Variants in SPEN observed in about 807,000 individuals in gnomAD.
The protein encoded by SPEN is msx2-interacting protein.
In SPEN, 18 loss-of-function variants were observed where a neutral mutation model predicts 269.9. The ratio of observed to expected loss-of-function variants is 0.07; its 90% CI spans 0.05 to 0.10. SPEN has a LOEUF of 0.10. Among genes scored for constraint, SPEN ranks in the 10% least tolerant of loss-of-function variants. SPEN has a pLI of 1.00. For synonymous variants in SPEN, 1,726 were observed against 1,765.7 expected, an observed-to-expected ratio of 0.98 and a Z score of 0.56; for missense variants, 3,822 against 4,631.2, an observed-to-expected ratio of 0.83 and a Z score of 5.07.
Position 15,848,303 on chromosome 1 carries a change from C to T in SPEN, c.83+153C>T, listed in dbSNP as rs1053708582. Among the ~76,000 whole-genome samples, 20 of 151,370 alleles carry T rather than the reference C, an allele frequency of 1.3e-4. No individual in the cohort carries two copies. Among genetic ancestry groups the T allele is most frequent in the African/African-American group, 4.6e-4 (19 of 41,362 alleles). On this transcript the variant is annotated intron_variant, in intron 1 of 14. Coordinates refer to ENST00000375759, the MANE Select transcript of SPEN (RefSeq NM_015001.3). The surrounding 1 kb of genome is among the most constrained non-coding windows in gnomAD (Gnocchi z 5.1). ...GGGACCTCGTCAGCCGCTCGGCCCG[C>T]GTCGCGGCGTTGGGCCTCGGGTGTC...
At chr1:15,887,860 A>G (rs906078972) in intron 3 of SPEN, among the ~76,000 whole-genome samples, 1 of 150,774 alleles carries the variant, frequency 6.6e-6, no homozygotes, top group Non-Finnish European at 1.5e-5. Flanking sequence ...GTCTCTACGA[A>G]AAAAATACAA....
intron 3 of SPEN, among the ~76,000 whole-genome samples, chr1:15,896,159 T>G (rs951255152): frequency 6.6e-6 from 1 of 151,250 alleles, no homozygotes; most frequent in Non-Finnish European, 1.5e-5. Context: ...ATAAAACTGA[T>G]TAATTATTGT....
Position 15,930,818 on chromosome 1 carries a change from T to A in SPEN, c.4578T>A (p.Phe1526Leu), listed in dbSNP as rs140224570. 6.2e-7 allele frequency: 1 copy of A among 1,614,192 alleles called. No individual in the cohort carries two copies. Among genetic ancestry groups the A allele is most frequent in the Admixed American group, 1.7e-5 (1 of 60,036 alleles). ...KEEEQERQEL[F>L]ASRFLHSSIF... ...AAGAGCAAGAGAGGCAGGAATTGTT[T>A]GCTTCTCGTTTTTTACACAGCTCAA... The change falls in exon 11 of 15, where the codon TTT (phenylalanine) becomes TTA (leucine). Residue 1526 changes from phenylalanine (F) to leucine (L), a missense_variant. By Grantham distance (22) the Phe-to-Leu change is conservative (BLOSUM62 0). This residue lies in a region of SPEN where 533 missense variants were observed against 618.8 expected (regional missense o/e 0.86). Transcript: ENST00000375759. This position sits in a 1 kb window ranked among gnomAD's most constrained non-coding sequence, Gnocchi z 5.3.
In SPEN at chr1:15,935,313, TCTC is replaced by T. The variant is rs1557762642; in HGVS notation, c.9077_9079del (p.Pro3026del). The T allele has an allele frequency of 1.2e-6, 2 of 1,613,858 alleles. No homozygotes were observed. The highest frequency in any genetic ancestry group is 1.3e-5 in the African/African-American group (1 of 74,842). On this transcript the variant is annotated inframe_deletion, in exon 11 of 15. Transcript: ENST00000375759. This position sits in a 1 kb window ranked among gnomAD's most constrained non-coding sequence, Gnocchi z 7.7. ...GGCAGCTGCAAAGCTAGATGCTCAT[TCTC>T]CTCGACCAAGTGGACCCGGGCCATC...
At chr1:15,918,699 CAG>C in intron 6 of SPEN, among the ~76,000 whole-genome samples, 1 of 152,274 alleles carries the variant, frequency 6.6e-6, no homozygotes, top group Admixed American at 6.5e-5. Flanking sequence ...TGCTCCTCTG[CAG>C]AGAGCTTCAC....
At position 15,934,393 on chromosome 1, in the gene SPEN, T is replaced by C. The variant is rs1181669962; in HGVS notation, c.8153T>C (p.Val2718Ala). The change falls in exon 11 of 15, where the codon GTG (valine) becomes GCG (alanine). Residue 2718 changes from valine (V) to alanine (A), a missense_variant. Physicochemically the swap from Val to Ala is moderately conservative, Grantham distance 64. Transcript: ENST00000375759. The surrounding 1 kb of genome is among the most constrained non-coding windows in gnomAD (Gnocchi z 9.2). ...TTPVNATVGT[V>A]NAAPGTVNAA... is the part of the protein sequence containing the mutation. ...CCAGTGAACGCCACGGTGGGCACAGTGAATGCCGCCCCAGGCACAGTCAAT... is the reference window on the plus strand; with the variant it reads ...CCAGTGAACGCCACGGTGGGCACAGCGAATGCCGCCCCAGGCACAGTCAAT... The C allele has an allele frequency of 1.9e-6, 3 of 1,613,538 alleles. No homozygotes were observed. In the African/African-American group the frequency reaches 4.0e-5, roughly 22 times the overall value.
chr1:15,902,404 C>A (rs1267847858), intron 3 of SPEN, among the ~76,000 whole-genome samples: 1 of 152,066 alleles, frequency 6.6e-6, no homozygotes, highest in Non-Finnish European at 1.5e-5. Context: ...GATTTTGGGT[C>A]CTCACAGGTC....
chr1:15,903,685 G>T (rs920608490), intron 3 of SPEN, among the ~76,000 whole-genome samples: 5 of 152,080 alleles, frequency 3.3e-5, no homozygotes, highest in Non-Finnish European at 5.9e-5. Flanking sequence ...AAAGACTGGG[G>T]TCTTGCCATG....
intron 10 of SPEN, among the ~76,000 whole-genome samples, chr1:15,924,310 G>A (rs148895259): frequency 1.4e-3 from 217 of 152,272 alleles, no homozygotes; most frequent in Non-Finnish European, 2.5e-3. Context: ...TATGTGAGTG[G>A]AAAGTGTCCC....
chr1:15,864,971 G>C (rs920070496), intron 1 of SPEN, among the ~76,000 whole-genome samples: 2 of 152,024 alleles, frequency 1.3e-5, no homozygotes, highest in Non-Finnish European at 2.9e-5. Flanking sequence ...AAAGTGGTGG[G>C]ATTATAGATG....
chr1:15,889,501 G>T (rs2070769859), intron 3 of SPEN, among the ~76,000 whole-genome samples: 1 of 151,588 alleles, frequency 6.6e-6, no homozygotes, highest in Non-Finnish European at 1.5e-5. Context: ...AATTAGCTGA[G>T]GTTTTATTCT....
At chr1:15,920,363 A>G (rs2071106824) in intron 8 of SPEN, among the ~76,000 whole-genome samples, 1 of 152,164 alleles carries the variant, frequency 6.6e-6, no homozygotes. Context: ...CGCCTGGCAG[A>G]CAATACTTTA....
intron 3 of SPEN, among the ~76,000 whole-genome samples, chr1:15,884,327 A>G (rs2070716452): frequency 6.6e-6 from 1 of 152,196 alleles, no homozygotes; most frequent in African/African-American, 2.4e-5. Context: ...TTACTCACAT[A>G]TCCTTTTGTC....
intron 3 of SPEN, among the ~76,000 whole-genome samples, chr1:15,901,042 T>C (rs2070893697): frequency 6.6e-6 from 1 of 151,938 alleles, no homozygotes; most frequent in Non-Finnish European, 1.5e-5. Context: ...TTGTTATTTT[T>C]TGGAGTAAAA....
intron 5 of SPEN, among the ~76,000 whole-genome samples, chr1:15,911,717 T>C (rs2071013548): frequency 6.6e-6 from 1 of 152,184 alleles, no homozygotes; most frequent in Non-Finnish European, 1.5e-5. Flanking sequence ...TCCCAGCACT[T>C]TGGGAGGCTG....
At chr1:15,880,899 G>C (rs946682395) in intron 3 of SPEN, among the ~76,000 whole-genome samples, 3 of 152,176 alleles carry the variant, frequency 2.0e-5, no homozygotes, top group Non-Finnish European at 2.9e-5. Context: ...AGGCTAGACA[G>C]GGAACACTGT....
At chr1:15,865,257 C>T (rs2070492463) in intron 1 of SPEN, among the ~76,000 whole-genome samples, 1 of 151,500 alleles carries the variant, frequency 6.6e-6, no homozygotes, top group Admixed American at 6.6e-5. Flanking sequence ...CACCGTCTTG[C>T]TCCCAGACTG....
intron 3 of SPEN, among the ~76,000 whole-genome samples, chr1:15,884,530 C>A (rs1019211130): frequency 6.6e-6 from 1 of 152,000 alleles, no homozygotes; most frequent in Non-Finnish European, 1.5e-5. Context: ...ATGTACCTTC[C>A]ATTTCTCTCT....
chr1:15,938,904 A>G (rs2148745965), intron 14 of SPEN, 28 bp downstream of exon 14: 3 of 1,606,602 alleles, frequency 1.9e-6, no homozygotes, highest in African/African-American at 1.3e-5. Context: ...CTTCCTTCAC[A>G]TGTACACCCA....
Sources: gnomAD v4.1 joint callset for allele counts (sites outside exome capture counted in the v4.1 genomes callset) on GRCh38, gnomAD v4.1.1 for gene constraint, gnomAD v4.1.1 regional missense constraint, Gnocchi (gnomAD v3.1) non-coding constraint, MANE v1.5 for transcripts, NCBI Gene and HGNC (gene_info 2026-07-23, HGNC 2026-07-21) for gene names.